The following NMBR variants were observed in gnomAD, a reference collection of about 807,000 sequenced individuals.
NMBR encodes neuromedin B receptor.
Under a neutral mutation model 20.5 loss-of-function variants are expected in NMBR, and 16 were observed. That is an observed-to-expected ratio of 0.78 (90% CI 0.53 to 1.19). The LOEUF is 1.19. NMBR is among the 50% of genes most tolerant of loss of function. The pLI is 0.00. For missense variants in NMBR, 582 were observed against 499.1 expected (o/e 1.17, Z -1.58); for synonymous variants, 212 against 196.6 (o/e 1.08, Z -0.65).
chr6:142,084,908 T>A (rs1472618529), intron 2 of NMBR, among the ~76,000 whole-genome samples: 1 of 152,162 alleles, frequency 6.6e-6, no homozygotes, highest in Non-Finnish European at 1.5e-5. Flanking sequence ...TGTGTGTGTT[T>A]GTGTGTATGT....
In NMBR at chr6:142,088,625, T is replaced by C; in HGVS notation, c.34A>G (p.Thr12Ala). The C allele has an allele frequency of 1.2e-6, 2 of 1,606,286 alleles. No individual in the cohort carries two copies. The highest frequency in any genetic ancestry group is 1.7e-6 in the Non-Finnish European group (2 of 1,179,756). ...GAACCGCTCTCATTCGCGCCGGTGG[T>C]CACCGAGAGGTTGGAAAGAGACTTA... Reference protein sequence around the residue: ...PSKSLSNLSVTTGANESGSVP... With the variant: ...PSKSLSNLSVATGANESGSVP... Residue 12 changes from threonine (T) to alanine (A), a missense_variant, in exon 2 of 4, where the codon ACC becomes GCC. Physicochemically the swap from Thr to Ala is moderately conservative, Grantham distance 58 (BLOSUM62 0). Transcript: ENST00000258042.
chr6:142,077,677 G>A (rs560997799), intron 3 of NMBR, among the ~76,000 whole-genome samples: 1 of 152,122 alleles, frequency 6.6e-6, no homozygotes, highest in Non-Finnish European at 1.5e-5. Flanking sequence ...ACATGCCCAA[G>A]GCCCCAGCCT....
chr6:142,096,957 G>A (rs967004100), intron 1 of NMBR, among the ~76,000 whole-genome samples: 2 of 151,810 alleles, frequency 1.3e-5, no homozygotes, highest in Non-Finnish European at 2.9e-5. Context: ...GATCTTTGTT[G>A]GTTTAAAGTC....
At chr6:142,141,780 G>A (rs1020691493) in intron 1 of NMBR, among the ~76,000 whole-genome samples, 1 of 152,090 alleles carries the variant, frequency 6.6e-6, no homozygotes, top group Non-Finnish European at 1.5e-5. Context: ...TGAGATTACA[G>A]GCATGAGCCA....
intron 1 of NMBR, among the ~76,000 whole-genome samples, chr6:142,124,884 T>G (rs939180203): frequency 6.6e-6 from 1 of 151,902 alleles, no homozygotes; most frequent in African/African-American, 2.4e-5. Flanking sequence ...TGAAATTACT[T>G]ACACATCATA....
intron 1 of NMBR, among the ~76,000 whole-genome samples, chr6:142,143,967 T>G (rs559092869): frequency 2.0e-5 from 3 of 152,258 alleles, no homozygotes; most frequent in Non-Finnish European, 4.4e-5. Context: ...GCTAATGCAA[T>G]TCACATTTGT....
intron 1 of NMBR, among the ~76,000 whole-genome samples, chr6:142,127,111 T>C (rs1205872160): frequency 2.0e-5 from 3 of 151,990 alleles, no homozygotes; most frequent in Non-Finnish European, 4.4e-5. Flanking sequence ...TTCCAGTAAT[T>C]TTATGTTCTC....
intron 1 of NMBR, among the ~76,000 whole-genome samples, chr6:142,121,438 G>A (rs1015085996): frequency 1.3e-5 from 2 of 151,892 alleles, no homozygotes; most frequent in African/African-American, 4.8e-5. Context: ...GCTCTAGTTA[G>A]CCAAGCTGTG....
chr6:142,124,801 C>T (rs566243507), intron 1 of NMBR, among the ~76,000 whole-genome samples: 2 of 151,784 alleles, frequency 1.3e-5, no homozygotes, highest in Non-Finnish European at 2.9e-5. Context: ...AAATTACTGA[C>T]AATAAATCTC....
At chr6:142,135,555 T>C (rs1390485953) in intron 1 of NMBR, among the ~76,000 whole-genome samples, 1 of 151,860 alleles carries the variant, frequency 6.6e-6, no homozygotes, top group East Asian at 1.9e-4. Context: ...GCAGGTTAGT[T>C]ACATATGTAT....
At position 142,088,713 on chromosome 6, in the gene NMBR, G is replaced by A; in HGVS notation, c.-55C>T. 1 of 1,485,992 alleles carries A rather than the reference G, an allele frequency of 6.7e-7. No individual in the cohort carries two copies. Among genetic ancestry groups the A allele is most frequent in the Non-Finnish European group, 9.1e-7 (1 of 1,100,418 alleles). 92.1% of individuals were successfully genotyped at this position (1,485,992 alleles called of 1,614,324 possible). On this transcript the variant is annotated 5_prime_UTR_variant, in exon 2 of 4. Transcript: ENST00000258042. The stretch of plus-strand genomic sequence containing the variant: ...TTTTCACGCGCTCCGGTGCCCTGAG[G>A]ACTGAACGCCCACGATTTAGGTTTA...
intron 1 of NMBR, among the ~76,000 whole-genome samples, chr6:142,133,473 G>A (rs796136263): frequency 5.3e-5 from 8 of 152,194 alleles, no homozygotes; most frequent in African/African-American, 1.9e-4. Flanking sequence ...ACATTATTTG[G>A]TTGTTAAGAT....
At chr6:142,076,124 G>A (rs1776942362) in intron 3 of NMBR, 75 bp from the exon 4 acceptor site, 1 of 1,296,788 alleles carries the variant, frequency 7.7e-7, no homozygotes, top group Middle Eastern at 1.9e-4. Context: ...TATCAAGTCA[G>A]GAAAGAGCAA....
chr6:142,107,241 C>T (rs1777679111), intron 1 of NMBR, among the ~76,000 whole-genome samples: 1 of 151,928 alleles, frequency 6.6e-6, no homozygotes, highest in Non-Finnish European at 1.5e-5. Context: ...CTCTTTATTC[C>T]ACAATAAAAA....
At chr6:142,129,577 C>CAG (rs151126726) in intron 1 of NMBR, among the ~76,000 whole-genome samples, 63 of 149,602 alleles carry the variant, frequency 4.2e-4, no homozygotes, top group African/African-American at 1.3e-3. Flanking sequence ...CAAGTAGAGA[C>CAG]AGAGAGAGAG....
chr6:142,102,170 C>A (rs141342337), intron 1 of NMBR, among the ~76,000 whole-genome samples: 1 of 151,862 alleles, frequency 6.6e-6, no homozygotes, highest in South Asian at 2.1e-4. Flanking sequence ...AGGCGGATCA[C>A]GAGGTCAGAA....
chr6:142,119,138 G>T (rs1777901803), intron 1 of NMBR, among the ~76,000 whole-genome samples: 1 of 152,118 alleles, frequency 6.6e-6, no homozygotes, highest in Middle Eastern at 3.4e-3. Context: ...TACTGGTTAT[G>T]CGTCAGCCTC....
chr6:142,141,512 T>G (rs751116100), intron 1 of NMBR, among the ~76,000 whole-genome samples: 17 of 151,938 alleles, frequency 1.1e-4, no homozygotes, highest in Non-Finnish European at 2.1e-4. Context: ...GCTTTGTTTT[T>G]TTTTTTTTTT....
chr6:142,136,591 A>G (rs1166078205), intron 1 of NMBR, among the ~76,000 whole-genome samples: 2 of 152,154 alleles, frequency 1.3e-5, no homozygotes, highest in African/African-American at 2.4e-5. Flanking sequence ...CCTGAATGGT[A>G]ATGCCTAGGT....
Sources: gnomAD v4.1 joint callset for allele counts (sites outside exome capture counted in the v4.1 genomes callset) on GRCh38, gnomAD v4.1.1 for gene constraint, MANE v1.5 for transcripts, NCBI Gene and HGNC (gene_info 2026-07-23, HGNC 2026-07-21) for gene names.